The following NF2 variants were observed in gnomAD, a reference collection of about 807,000 sequenced individuals.
The protein encoded by NF2 is NF2, moesin-ezrin-radixin like (MERLIN) tumor suppressor.
Under a neutral mutation model 83.7 loss-of-function variants are expected in NF2, and 8 were observed. The observed-to-expected ratio is 0.10, with a 90% CI of 0.06 to 0.17. The LOEUF (loss-of-function observed/expected upper bound fraction) is 0.17. Ranked by LOEUF, NF2 falls within the 10% of genes least tolerant of loss-of-function variation. NF2 has a pLI of 1.00. For missense variants in NF2, 533 were observed against 744.4 expected (o/e 0.72, Z 3.31); for synonymous variants, 266 against 269.6 (o/e 0.99, Z 0.13).
At chr22:29,637,407 T>C (rs2065677770) in intron 2 of NF2, among the ~76,000 whole-genome samples, 1 of 152,178 alleles carries the variant, frequency 6.6e-6, no homozygotes, top group South Asian at 2.1e-4. Context: ...TTCTGACACA[T>C]GGCCAAGAAA....
chr22:29,627,051 G>A (rs1400533058), intron 1 of NF2, among the ~76,000 whole-genome samples: 1 of 152,146 alleles, frequency 6.6e-6, no homozygotes, highest in African/African-American at 2.4e-5. Flanking sequence ...AGCAGACCCT[G>A]AATGAGGGAA....
At chr22:29,642,960 C>CTT (rs566160360) in intron 4 of NF2, among the ~76,000 whole-genome samples, 87 of 144,794 alleles carry the variant, frequency 6.0e-4, no homozygotes, top group South Asian at 1.8e-3. Flanking sequence ...CACTATAGAC[C>CTT]TTTTTTTTTT....
intron 1 of NF2, among the ~76,000 whole-genome samples, chr22:29,619,442 G>T (rs986180340): frequency 6.6e-6 from 1 of 151,708 alleles, no homozygotes; most frequent in Non-Finnish European, 1.5e-5. Flanking sequence ...TGTTGCCCAG[G>T]CTGGAGTGCA....
At chr22:29,688,518 C>A (rs901351399) in intron 15 of NF2, among the ~76,000 whole-genome samples, 11 of 152,228 alleles carry the variant, frequency 7.2e-5, no homozygotes, top group Non-Finnish European at 2.9e-5. Context: ...CAGTAGATAG[C>A]CGCCACCTGC....
chr22:29,664,603 C>T (rs1479101411), intron 8 of NF2, among the ~76,000 whole-genome samples: 1 of 152,176 alleles, frequency 6.6e-6, no homozygotes, highest in Admixed American at 6.5e-5. Context: ...GATGTGATTT[C>T]TTGAGTAATT....
intron 7 of NF2, among the ~76,000 whole-genome samples, chr22:29,660,565 A>G (rs906521899): frequency 3.3e-5 from 5 of 152,000 alleles, no homozygotes; most frequent in African/African-American, 1.2e-4. Context: ...CATTAAACCT[A>G]TGGGTTTTTT....
At position 29,640,762 on chromosome 22, in the gene NF2, G is replaced by T. The variant is rs999545034; in HGVS notation, c.364-1440G>T. Among the ~76,000 whole-genome samples the T allele has an allele frequency of 8.3e-4, 42 of 50,728 alleles. 1 individual carries two copies. Among genetic ancestry groups the T allele is most frequent in the South Asian group, 4.5e-3 (5 of 1,118 alleles). 33.3% of individuals were successfully genotyped at this position (50,728 alleles called of 152,430 possible). A position where few individuals can be genotyped will look rare whatever the true frequency, so the allele number is the denominator to read the frequency against. On this transcript the variant is annotated intron_variant, in intron 3 of 15. Coordinates refer to ENST00000338641, the MANE Select transcript of NF2 (RefSeq NM_000268.4). ...CCTAAATTCTTTTTAAAAAAGGTCT[G>T]GGGGGCGTGTGTGTGTGTGTGTGTG...
intron 1 of NF2, among the ~76,000 whole-genome samples, chr22:29,628,627 CTTT>C (rs5844863): frequency 7.2e-5 from 5 of 69,210 alleles, no homozygotes; most frequent in African/African-American, 1.5e-4. Flanking sequence ...TTTGTGACAT[CTTT>C]TTTTTTTTTT....
At chr22:29,628,858 T>C (rs2065438124) in intron 1 of NF2, among the ~76,000 whole-genome samples, 1 of 152,242 alleles carries the variant, frequency 6.6e-6, no homozygotes, top group African/African-American at 2.4e-5. Flanking sequence ...CTCGAACTCC[T>C]GACCTCAGGT....
chr22:29,603,714 T>G lies in NF2; in HGVS notation c.-285T>G. On this transcript the variant is annotated 5_prime_UTR_variant, in exon 1 of 16. Coordinates refer to ENST00000338641, the MANE Select transcript of NF2 (RefSeq NM_000268.4). ...GTCCCGTCCCGAGGCGTCCCCGGCA[T>G]CTCCGGCCCGAATCCCGGAGTGCCG... The G allele has an allele frequency of 2.2e-6, 1 of 453,624 alleles. No individual in the cohort carries two copies. Among genetic ancestry groups the G allele is most frequent in the Non-Finnish European group, 3.9e-6 (1 of 258,006 alleles). The allele number at this position is 453,624 out of a possible 1,614,324, so 28.1% of individuals were successfully genotyped here.
intron 8 of NF2, 146 bp from the exon 9 acceptor site, chr22:29,664,844 T>C: frequency 5.6e-6 from 4 of 718,898 alleles, no homozygotes; most frequent in Non-Finnish European, 7.7e-6. Context: ...TTCCCTGAGG[T>C]TTAGTGCCTG....
At chr22:29,638,113 C>A (rs774212435) in intron 2 of NF2, among the ~76,000 whole-genome samples, 1 of 152,024 alleles carries the variant, frequency 6.6e-6, no homozygotes, top group Non-Finnish European at 1.5e-5. Flanking sequence ...TGTCACATGG[C>A]GTGTTTATGT....
chr22:29,683,278 C>A, intron 15 of NF2: 1 of 1,463,546 alleles, frequency 6.8e-7, no homozygotes, highest in Non-Finnish European at 9.0e-7. Context: ...AAGACTGCCT[C>A]GTTCCGAAGA....
chr22:29,668,469 T>G, intron 10 of NF2, 23 bp downstream of exon 10: 1 of 1,566,404 alleles, frequency 6.4e-7, no homozygotes, highest in Admixed American at 1.7e-5. Flanking sequence ...TTGTTTTAAC[T>G]GATGATGTCA....
intron 1 of NF2, among the ~76,000 whole-genome samples, chr22:29,633,535 A>C (rs2040582801): frequency 6.6e-6 from 1 of 152,066 alleles, no homozygotes; most frequent in South Asian, 2.1e-4. Context: ...TCTTTTGTTC[A>C]ACTCATACTC....
intron 1 of NF2, among the ~76,000 whole-genome samples, chr22:29,623,101 C>T (rs2065257687): frequency 1.3e-5 from 2 of 151,806 alleles, no homozygotes; most frequent in Non-Finnish European, 2.9e-5. Flanking sequence ...CAGGCACATG[C>T]CACCAATACC....
chr22:29,610,587 T>G (rs2064925512), intron 1 of NF2, among the ~76,000 whole-genome samples: 1 of 148,656 alleles, frequency 6.7e-6, no homozygotes, highest in African/African-American at 2.5e-5. Flanking sequence ...GAGGTTGCAG[T>G]GAGCTGAGAT....
rs3138701 is a variant in NF2, at chr22:29,628,140, CTGTGTGTGTGTGTGTGTGTG to C, written c.115-8585_115-8566del. On this transcript the variant is annotated intron_variant, in intron 1 of 15. Coordinates refer to ENST00000338641, the MANE Select transcript of NF2 (RefSeq NM_000268.4). Reference sequence around the variant, plus strand: ...TTGCCAGGGTTCTGGGAGACTTAATCTGTGTGTGTGTGTGTGTGTGTGTGTGTGTGTGTGTGTGTGTGTGT... The same window carrying C: ...TTGCCAGGGTTCTGGGAGACTTAATCTGTGTGTGTGTGTGTGTGTGTGTGT... 1.1e-3 allele frequency among the ~76,000 whole-genome samples: 157 copies of C among 139,768 alleles called. 3 individuals carry two copies. The highest frequency in any genetic ancestry group is 5.9e-3 in the Admixed American group (81 of 13,736). The allele number at this position is 139,768 out of a possible 152,430, so 91.7% of individuals were successfully genotyped here.
chr22:29,620,329 G>C (rs1000782809), intron 1 of NF2, among the ~76,000 whole-genome samples: 1 of 152,138 alleles, frequency 6.6e-6, no homozygotes, highest in African/African-American at 2.4e-5. Flanking sequence ...GCTGAGACAA[G>C]AGGATCACTT....
Sources: gnomAD v4.1 joint callset for allele counts (sites outside exome capture counted in the v4.1 genomes callset) on GRCh38, gnomAD v4.1.1 for gene constraint, MANE v1.5 for transcripts, NCBI Gene and HGNC (gene_info 2026-07-23, HGNC 2026-07-21) for gene names.